Variants in PIEZO2 observed in about 807,000 individuals in gnomAD.
PIEZO2 encodes the protein piezo type mechanosensitive ion channel component 2, also known as piezo-type mechanosensitive ion channel component 2.
A neutral mutation model predicts 337.3 loss-of-function variants in PIEZO2; 172 were observed. That is an observed-to-expected ratio of 0.51 (90% confidence interval 0.45 to 0.58). PIEZO2 has a LOEUF of 0.58. Ranked by LOEUF, PIEZO2 falls within the 20% of genes least tolerant of loss-of-function variation. The pLI is 0.00. For missense variants in PIEZO2, 3,028 were observed against 3,391.3 expected, an observed-to-expected ratio of 0.89 and a Z score of 2.66; for synonymous variants, 1,251 against 1,228.5, an observed-to-expected ratio of 1.02 and a Z score of -0.38.
Position 10,705,469 on chromosome 18 carries a change from C to A in PIEZO2, c.5866G>T (p.Gly1956Cys), listed in dbSNP as rs761975741. ...KAVSFEHLSF[G>C]SQDDSAGKNR... Reference sequence around the variant, plus strand: ...TTGCCTGCAGAGTCGTCCTGCGAGCCGAAGGACAGATGCTCGAAGCTCACA... The same window carrying A: ...TTGCCTGCAGAGTCGTCCTGCGAGCAGAAGGACAGATGCTCGAAGCTCACA... Residue 1956 changes from glycine (G) to cysteine (C), a missense_variant, in exon 41 of 56, where the codon GGC (glycine) becomes TGC (cysteine). This residue lies in a region of PIEZO2 where 1,925 missense variants were observed against 2,051.9 expected (regional missense o/e 0.94). Coordinates refer to ENST00000674853, the MANE Select transcript of PIEZO2 (RefSeq NM_001378183.1). 1 of 1,537,248 alleles carries A rather than the reference C, an allele frequency of 6.5e-7. No homozygotes were observed. Among genetic ancestry groups the A allele is most frequent in the South Asian group, 1.2e-5 (1 of 84,058 alleles).
At chr18:10,873,520 T>C (rs2042189462) in intron 4 of PIEZO2, among the ~76,000 whole-genome samples, 1 of 152,188 alleles carries the variant, frequency 6.6e-6, no homozygotes. Context: ...GTTCATTATT[T>C]ACCTACTGTT....
rs931705823 is a variant in PIEZO2, at chr18:11,100,796, C to T, written c.65-34574G>A. 2.9e-4 allele frequency among the ~76,000 whole-genome samples: 44 copies of T among 152,218 alleles called. No homozygotes were observed. The East Asian group carries it at 3.1e-3, about 11-fold the overall frequency. ...ATTTTTAGTAGAGACAGGGTTTCACCGTGTTAGCCAGGATGGTCTCGATCT... is the reference window on the plus strand; with the variant it reads ...ATTTTTAGTAGAGACAGGGTTTCACTGTGTTAGCCAGGATGGTCTCGATCT... On this transcript the variant is annotated intron_variant, in intron 1 of 55. Coordinates refer to ENST00000674853, the MANE Select transcript of PIEZO2 (RefSeq NM_001378183.1).
At position 10,863,870 on chromosome 18, in the gene PIEZO2, T is replaced by C. The variant is rs2041938391; in HGVS notation, c.493-6659A>G. ...GAACACAATCAAAACAAATCAGCAGTCACACACACACACACCTATATCATC... is the reference window on the plus strand; with the variant it reads ...GAACACAATCAAAACAAATCAGCAGCCACACACACACACACCTATATCATC... On this transcript the variant is annotated intron_variant, in intron 5 of 55. Transcript: ENST00000674853. The surrounding 1 kb of genome is among the most constrained non-coding windows in gnomAD (Gnocchi z 4.3). 6.6e-6 allele frequency among the ~76,000 whole-genome samples: 1 copy of C among 151,232 alleles called. No homozygotes were observed. Among genetic ancestry groups the C allele is most frequent in the African/African-American group, 2.4e-5 (1 of 41,012 alleles).
In PIEZO2 at chr18:10,705,748, T is replaced by C. The variant is rs1200166139; in HGVS notation, c.5589-2A>G. ...AGCATGGTACACTGCGTGGGCTCGC[T>C]GTTGGGAGAAAGCGTGGGCACAGAG... On this transcript the variant is annotated splice_acceptor_variant, in intron 40 of 55. Transcript: ENST00000674853. LOFTEE classifies it high-confidence loss of function. The C allele has an allele frequency of 1.3e-6, 2 of 1,516,090 alleles. No individual in the cohort carries two copies. Among genetic ancestry groups the C allele is most frequent in the Admixed American group, 4.1e-5 (2 of 48,792 alleles). The allele number at this position is 1,516,090 out of a possible 1,614,324, so 93.9% of individuals were successfully genotyped here. A position where few individuals can be genotyped will look rare whatever the true frequency, so the allele number is the denominator to read the frequency against.
rs540028153 is a variant in PIEZO2 at position 10,727,136 on chromosome 18, C to G, written c.5029+4271G>C. On this transcript the variant is annotated intron_variant, in intron 36 of 55. Coordinates refer to ENST00000674853, the MANE Select transcript of PIEZO2 (RefSeq NM_001378183.1). The surrounding 1 kb of genome is among the most constrained non-coding windows in gnomAD (Gnocchi z 6.3). ...GCTAGCCTCCCTGGGGCCTGGGGAT[C>G]TGCAGCAGCATGTCTGGCAAACTGA... 2 of 439,880 alleles carry G rather than the reference C, an allele frequency of 4.5e-6. No individual in the cohort carries two copies. The highest frequency in any genetic ancestry group is 1.1e-4 in the South Asian group (2 of 18,112). 27.2% of individuals were successfully genotyped at this position (439,880 alleles called of 1,614,324 possible). A position where few individuals can be genotyped will look rare whatever the true frequency, so the allele number is the denominator to read the frequency against.
intron 4 of PIEZO2, among the ~76,000 whole-genome samples, chr18:10,909,516 A>G (rs530742981): frequency 6.5e-5 from 2 of 30,590 alleles, no homozygotes; most frequent in South Asian, 7.9e-3. Flanking sequence ...TGTATTAGGT[A>G]TGATGATGGC....
At chr18:11,113,179 C>G (rs1255261514) in intron 1 of PIEZO2, among the ~76,000 whole-genome samples, 3 of 152,204 alleles carry the variant, frequency 2.0e-5, no homozygotes, top group Non-Finnish European at 2.9e-5. Context: ...GCCCCTGAAA[C>G]CCTTTTGTCT....
chr18:11,075,691 C>T (rs138783572), intron 1 of PIEZO2, among the ~76,000 whole-genome samples: 241 of 152,206 alleles, frequency 1.6e-3, no homozygotes, highest in South Asian at 5.4e-3. Context: ...TGCTTACATA[C>T]GTATTCTTAT....
At chr18:10,852,235 G>A (rs1249130009) in intron 7 of PIEZO2, among the ~76,000 whole-genome samples, 1 of 152,160 alleles carries the variant, frequency 6.6e-6, no homozygotes, top group Non-Finnish European at 1.5e-5. Context: ...GTTTTACTGT[G>A]TCTATACAAA....
chr18:11,024,341 C>A lies in PIEZO2; in HGVS notation c.160+41786G>T, dbSNP rs575226416. Among the ~76,000 whole-genome samples, 8 of 151,954 alleles carry A rather than the reference C, an allele frequency of 5.3e-5. No individual in the cohort carries two copies. The South Asian group carries it at 1.7e-3, about 32-fold the overall frequency. On this transcript the variant is annotated intron_variant, in intron 2 of 55. Coordinates refer to ENST00000674853, the MANE Select transcript of PIEZO2 (RefSeq NM_001378183.1). ...CGAGCAGATCACAAGGTCAGGAGAT[C>A]GAGACCATCCTGGGTAAGATAGTGA...
chr18:10,737,298 C>CAAAAAAAAAAACAAAAA (rs962564265), intron 33 of PIEZO2, among the ~76,000 whole-genome samples: 6 of 104,570 alleles, frequency 5.7e-5, no homozygotes, highest in African/African-American at 2.0e-4. Flanking sequence ...AAAAAAAAAA[C>CAAAAAAAAAAACAAAAA]AAAAAAACAC....
At position 10,813,274 on chromosome 18, in the gene PIEZO2, C is replaced by T. The variant is rs988691305; in HGVS notation, c.918-6000G>A. ...CATTACAGGAGTGAGCCACCGCGCCCGGGCCATTTTAAACATTTTTAAGAA... is the reference window on the plus strand; with the variant it reads ...CATTACAGGAGTGAGCCACCGCGCCTGGGCCATTTTAAACATTTTTAAGAA... On this transcript the variant is annotated intron_variant, in intron 7 of 55. Coordinates refer to ENST00000674853, the MANE Select transcript of PIEZO2 (RefSeq NM_001378183.1). This position sits in a 1 kb window ranked among gnomAD's most constrained non-coding sequence, Gnocchi z 4.2. Among the ~76,000 whole-genome samples the T allele has an allele frequency of 2.6e-5, 4 of 152,122 alleles. No individual in the cohort carries two copies. Among genetic ancestry groups the T allele is most frequent in the Admixed American group, 2.0e-4 (3 of 15,264 alleles).
In PIEZO2 at chr18:11,125,281, G is replaced by C. The variant is rs776479011; in HGVS notation, c.64+23244C>G. ...TGAGCTGATAATTCAAAAAGTATGC[G>C]AATATGTTTTAAAAACTACGATGTG... On this transcript the variant is annotated intron_variant, in intron 1 of 55. Coordinates refer to ENST00000674853, the MANE Select transcript of PIEZO2 (RefSeq NM_001378183.1). This position sits in a 1 kb window ranked among gnomAD's most constrained non-coding sequence, Gnocchi z 4.4. Among the ~76,000 whole-genome samples, 1 of 152,152 alleles carries C rather than the reference G, an allele frequency of 6.6e-6. No homozygotes were observed. The highest frequency in any genetic ancestry group is 2.4e-5 in the African/African-American group (1 of 41,418).
In PIEZO2 at chr18:10,993,686, C is replaced by T. The variant is rs1366921750; in HGVS notation, c.161-14026G>A. ...AGACTACAGGCGCCTCTCACAATGC[C>T]CGGCTAATTTTTCTGTATTTTTAGT... is the stretch of plus-strand genomic sequence containing the variant. On this transcript the variant is annotated intron_variant, in intron 2 of 55. Transcript: ENST00000674853. This position sits in a 1 kb window ranked among gnomAD's most constrained non-coding sequence, Gnocchi z 5.0. Among the ~76,000 whole-genome samples the T allele has an allele frequency of 6.6e-6, 1 of 152,072 alleles. No homozygotes were observed. Among genetic ancestry groups the T allele is most frequent in the African/African-American group, 2.4e-5 (1 of 41,404 alleles).
At chr18:10,674,252 C>A (rs745884318) in intron 54 of PIEZO2, among the ~76,000 whole-genome samples, 13 of 152,172 alleles carry the variant, frequency 8.5e-5, no homozygotes, top group Non-Finnish European at 1.5e-4. Context: ...CACAGAGTCA[C>A]CTCAGGAAGA....
At chr18:10,685,261 T>C (rs1408007802) in intron 49 of PIEZO2, among the ~76,000 whole-genome samples, 1 of 152,150 alleles carries the variant, frequency 6.6e-6, no homozygotes, top group Non-Finnish European at 1.5e-5. Flanking sequence ...TCAATAATAG[T>C]AACTTTTCAG....
Position 10,726,284 on chromosome 18 carries a change from T to C in PIEZO2, c.5029+5123A>G, listed in dbSNP as rs2036534868. 5 of 914,646 alleles carry C rather than the reference T, an allele frequency of 5.5e-6. No homozygotes were observed. The highest frequency in any genetic ancestry group is 2.1e-5 in the Admixed American group (1 of 47,950). 56.7% of individuals were successfully genotyped at this position (914,646 alleles called of 1,614,324 possible). ...GTTCGGGAGCATGAGAATGGAAGCG[T>C]CGCGGCCAGAGCCCCGGCCAGGTGG... On this transcript the variant is annotated intron_variant, in intron 36 of 55. Transcript: ENST00000674853. The surrounding 1 kb of genome is among the most constrained non-coding windows in gnomAD (Gnocchi z 5.9).
At chr18:10,906,565 C>CT (rs890947795) in intron 4 of PIEZO2, among the ~76,000 whole-genome samples, 99 of 145,576 alleles carry the variant, frequency 6.8e-4, no homozygotes, top group East Asian at 2.8e-3. Flanking sequence ...ATTATAAGAA[C>CT]TTTTTTTTTT....
intron 7 of PIEZO2, among the ~76,000 whole-genome samples, chr18:10,818,074 G>GA (rs763217685): frequency 6.6e-6 from 1 of 151,660 alleles, no homozygotes; most frequent in Admixed American, 6.6e-5. Context: ...TCTGTCCCTT[G>GA]AAAAAAATAC....
Sources: gnomAD v4.1 joint callset for allele counts (sites outside exome capture counted in the v4.1 genomes callset) on GRCh38, gnomAD v4.1.1 for gene constraint, gnomAD v4.1.1 regional missense constraint, Gnocchi (gnomAD v3.1) non-coding constraint, MANE v1.5 for transcripts, NCBI Gene and HGNC (gene_info 2026-07-23, HGNC 2026-07-21) for gene names.